The following CNTNAP2 variants were observed in gnomAD, a reference collection of about 807,000 sequenced individuals.
The protein encoded by CNTNAP2 is contactin-associated protein-like 2.
Under a neutral mutation model 155.2 loss-of-function variants are expected in CNTNAP2, and 98 were observed. That is an observed-to-expected ratio of 0.63 (90% CI 0.54 to 0.75). CNTNAP2 has a LOEUF of 0.75. CNTNAP2 is among the 30% of genes least tolerant of loss of function. The probability of loss-of-function intolerance (pLI) is 0.00; values close to 1 mark genes in which losing one functional copy is unlikely to be tolerated. For missense variants in CNTNAP2, 1,727 were observed against 1,688.1 expected, an observed-to-expected ratio of 1.02 and a Z score of -0.40; for synonymous variants, 651 against 631.2, an observed-to-expected ratio of 1.03 and a Z score of -0.47.
rs1206969883 is a variant in CNTNAP2, at chr7:147,891,585, G to GT, written c.2099-11979dup. 2.6e-5 allele frequency among the ~76,000 whole-genome samples: 4 copies of GT among 152,022 alleles called. No individual in the cohort carries two copies. The East Asian group carries it at 7.7e-4, about 29-fold the overall frequency. On this transcript the variant is annotated intron_variant, in intron 13 of 23. Coordinates refer to ENST00000361727, the MANE Select transcript of CNTNAP2 (RefSeq NM_014141.6). ...CAGAAAATAGCAGGAAAATATATTA[G>GT]TAGAAATGAAGAAAAGGGATATAAA...
intron 13 of CNTNAP2, among the ~76,000 whole-genome samples, chr7:147,784,259 G>C (rs531537573): frequency 6.6e-6 from 1 of 150,876 alleles, no homozygotes; most frequent in East Asian, 1.9e-4. Flanking sequence ...GAACTTCAAC[G>C]TAAAAATTTT....
chr7:147,808,123 A>G (rs527748827), intron 13 of CNTNAP2, among the ~76,000 whole-genome samples: 11 of 152,040 alleles, frequency 7.2e-5, no homozygotes, highest in Admixed American at 2.0e-4. Context: ...CTCTCTCTAT[A>G]TATACTATAT....
chr7:146,316,973 A>C (rs1374506689), intron 1 of CNTNAP2, among the ~76,000 whole-genome samples: 1 of 152,114 alleles, frequency 6.6e-6, no homozygotes, highest in Admixed American at 6.5e-5. Context: ...ACATATTTAC[A>C]AATCACTCAA....
At chr7:148,092,738 A>G (rs1341000293) in intron 15 of CNTNAP2, among the ~76,000 whole-genome samples, 1 of 152,174 alleles carries the variant, frequency 6.6e-6, no homozygotes, top group East Asian at 1.9e-4. Context: ...GCTACTATAA[A>G]TGCTTTGATT....
chr7:146,197,506 C>T (rs1441786694), intron 1 of CNTNAP2, among the ~76,000 whole-genome samples: 1 of 152,040 alleles, frequency 6.6e-6, no homozygotes, highest in Admixed American at 6.6e-5. Context: ...TTAAAAGTAC[C>T]TGTAGATTTT....
intron 21 of CNTNAP2, among the ~76,000 whole-genome samples, chr7:148,341,840 A>G (rs1404015821): frequency 6.6e-6 from 1 of 152,230 alleles, no homozygotes; most frequent in Admixed American, 6.5e-5. Flanking sequence ...GACTTCCCAG[A>G]AACCATACTC....
At chr7:146,122,652 C>CCATTCATTCATTCATT (rs10656546) in intron 1 of CNTNAP2, among the ~76,000 whole-genome samples, 4 of 151,010 alleles carry the variant, frequency 2.6e-5, no homozygotes, top group Non-Finnish European at 5.9e-5. Context: ...CCAAACTCTC[C>CCATTCATTCATTCATT]CATTCATTCA....
At chr7:146,156,256 T>A (rs1798124325) in intron 1 of CNTNAP2, among the ~76,000 whole-genome samples, 2 of 152,186 alleles carry the variant, frequency 1.3e-5, no homozygotes, top group South Asian at 4.1e-4. Flanking sequence ...ATTATGTTGT[T>A]TCTTACATTA....
chr7:146,264,631 G>T (rs994609190), intron 1 of CNTNAP2, among the ~76,000 whole-genome samples: 2 of 152,168 alleles, frequency 1.3e-5, no homozygotes, highest in Admixed American at 6.5e-5. Context: ...AACAGAAATA[G>T]CACGTGGGGT....
intron 15 of CNTNAP2, among the ~76,000 whole-genome samples, chr7:148,032,289 C>T (rs1019239884): frequency 3.9e-5 from 6 of 152,144 alleles, no homozygotes; most frequent in Admixed American, 3.3e-4. Flanking sequence ...GGGGAACTAA[C>T]ATTTCAAGAA....
At chr7:147,518,609 A>G (rs564442262) in intron 11 of CNTNAP2, among the ~76,000 whole-genome samples, 1 of 152,360 alleles carries the variant, frequency 6.6e-6, no homozygotes, top group African/African-American at 2.4e-5. Context: ...AAGTATTTTT[A>G]TAGATTTCAG....
intron 13 of CNTNAP2, among the ~76,000 whole-genome samples, chr7:147,708,522 C>T (rs1374380486): frequency 6.6e-6 from 1 of 152,094 alleles, no homozygotes; most frequent in Non-Finnish European, 1.5e-5. Context: ...GGGTGTGACT[C>T]AGCTTGAGCT....
chr7:148,199,551 A>G (rs559481067), intron 18 of CNTNAP2, among the ~76,000 whole-genome samples: 21 of 152,254 alleles, frequency 1.4e-4, no homozygotes, highest in African/African-American at 4.3e-4. Flanking sequence ...ACATTGACAA[A>G]TGCTTTTAGT....
chr7:148,102,873 C>A (rs139404994), intron 15 of CNTNAP2, among the ~76,000 whole-genome samples: 265 of 152,264 alleles, frequency 1.7e-3, no homozygotes, highest in African/African-American at 6.1e-3. Flanking sequence ...AGGTTGCGGG[C>A]CCATGACACA....
chr7:148,089,427 G>A (rs1803796041), intron 15 of CNTNAP2, among the ~76,000 whole-genome samples: 1 of 151,724 alleles, frequency 6.6e-6, no homozygotes, highest in Non-Finnish European at 1.5e-5. Context: ...TGAAAAAACT[G>A]TTAGAACTAA....
intron 4 of CNTNAP2, among the ~76,000 whole-genome samples, chr7:147,052,271 T>G (rs1030536255): frequency 6.6e-6 from 1 of 152,138 alleles, no homozygotes; most frequent in Non-Finnish European, 1.5e-5. Flanking sequence ...TAAAGTCAAC[T>G]GCAAGATACT....
At chr7:146,901,870 C>CTTTTTTTTTTTTTT (rs71165048) in intron 3 of CNTNAP2, among the ~76,000 whole-genome samples, 2 of 88,224 alleles carry the variant, frequency 2.3e-5, no homozygotes, top group Admixed American at 1.3e-4. Context: ...ATATATGCTC[C>CTTTTTTTTTTTTTT]TTTTTTTTTT....
intron 13 of CNTNAP2, among the ~76,000 whole-genome samples, chr7:147,646,702 C>G (rs529473541): frequency 9.9e-5 from 15 of 152,028 alleles, no homozygotes; most frequent in Non-Finnish European, 1.8e-4. Context: ...CAAACCTAAG[C>G]GCAGACAATT....
At chr7:146,954,304 A>G (rs1165330743) in intron 3 of CNTNAP2, among the ~76,000 whole-genome samples, 1 of 151,920 alleles carries the variant, frequency 6.6e-6, no homozygotes, top group Non-Finnish European at 1.5e-5. Flanking sequence ...ACATTCTGAA[A>G]TGTATGCTTT....
Sources: allele counts gnomAD v4.1 joint callset (sites outside exome capture counted in the v4.1 genomes callset), GRCh38; gene constraint gnomAD v4.1.1; transcripts MANE v1.5; gene names NCBI Gene and HGNC (gene_info 2026-07-23, HGNC 2026-07-21).